The following DCAF17 variants were observed in gnomAD, a reference collection of about 807,000 sequenced individuals.
DCAF17 encodes DDB1- and CUL4-associated factor 17.
DCAF17 carries 48 observed loss-of-function variants against 66.0 expected under a neutral mutation model. The observed-to-expected ratio is 0.73, with a 90% CI of 0.58 to 0.92. DCAF17 has a LOEUF of 0.92. DCAF17 is among the 40% of genes least tolerant of loss of function. The pLI, the probability that DCAF17 is intolerant of heterozygous loss-of-function variation, is 0.00. For synonymous variants in DCAF17, 206 were observed against 214.6 expected (o/e 0.96, Z 0.35); for missense variants, 562 against 622.8 (o/e 0.90, Z 1.04).
intron 2 of DCAF17, among the ~76,000 whole-genome samples, chr2:171,436,717 C>T (rs1269954196): frequency 1.3e-5 from 2 of 151,280 alleles, no homozygotes; most frequent in African/African-American, 4.9e-5. Flanking sequence ...TACTTTCTCC[C>T]ATTGTGTAGA....
chr2:171,480,011 C>T, intron 12 of DCAF17, 27 bp from the exon 13 acceptor site: 1 of 1,611,686 alleles, frequency 6.2e-7, no homozygotes, highest in Middle Eastern at 1.9e-4. Context: ...TGCCCCTTTC[C>T]CTCTATTTTA....
Position 171,457,954 on chromosome 2 carries a change from G to C in DCAF17, c.628-17G>C. On this transcript the variant is annotated splice_polypyrimidine_tract_variant and intron_variant, in intron 6 of 13. Transcript: ENST00000375255. ...TCCAGTCTTTTCTCAGGTGATATCT[G>C]TCTTTCCCCCCGCCAGATTTTTGGG... The C allele has an allele frequency of 1.2e-6, 2 of 1,600,578 alleles. No individual in the cohort carries two copies. The highest frequency in any genetic ancestry group is 1.7e-6 in the Non-Finnish European group (2 of 1,167,730).
intron 8 of DCAF17, 28 bp downstream of exon 8, chr2:171,458,505 C>A (rs1405355014): frequency 6.5e-7 from 1 of 1,538,784 alleles, no homozygotes; most frequent in Admixed American, 1.7e-5. Flanking sequence ...TATTTTTTCA[C>A]CTTAAAAAAA....
chr2:171,451,626 A>G (rs1398461220), intron 5 of DCAF17, among the ~76,000 whole-genome samples: 3 of 152,164 alleles, frequency 2.0e-5, no homozygotes, highest in South Asian at 2.1e-4. Context: ...GCCAGGCTAG[A>G]GTGTCGTGGT....
chr2:171,434,232 C>T lies in DCAF17; in HGVS notation c.-346C>T, dbSNP rs1693568597. On this transcript the variant is annotated 5_prime_UTR_variant, in exon 1 of 14. Transcript: ENST00000375255. ...CGGGAATTGTAGTTCCTGGGAGAAG[C>T]CGGGCTGCCTCACGAGGCACTAGGA... 2.2e-6 allele frequency: 1 copy of T among 449,526 alleles called. No homozygotes were observed. Among genetic ancestry groups the T allele is most frequent in the African/African-American group, 2.0e-5 (1 of 49,206 alleles). The allele number at this position is 449,526 out of a possible 1,614,324, so 27.8% of individuals were successfully genotyped here.
intron 11 of DCAF17, 32 bp from the exon 12 acceptor site, chr2:171,477,955 G>A (rs371655701): frequency 4.8e-5 from 76 of 1,580,230 alleles, no homozygotes; most frequent in Non-Finnish European, 6.3e-5. Context: ...AATAGAACTT[G>A]TCATATCTTT....
intron 10 of DCAF17, chr2:171,474,242 T>G (rs1042960493): frequency 3.7e-5 from 17 of 465,746 alleles, no homozygotes; most frequent in African/African-American, 3.4e-4. Context: ...TCTCATCAGG[T>G]CTTAGTTAAT....
intron 10 of DCAF17, among the ~76,000 whole-genome samples, chr2:171,476,321 A>C (rs1696496129): frequency 6.6e-6 from 1 of 152,220 alleles, no homozygotes; most frequent in Non-Finnish European, 1.5e-5. Context: ...AAATATAACC[A>C]ATCCTAAGAA....
chr2:171,452,047 G>T (rs1430220024), intron 5 of DCAF17, among the ~76,000 whole-genome samples: 1 of 152,154 alleles, frequency 6.6e-6, no homozygotes, highest in Non-Finnish European at 1.5e-5. Flanking sequence ...AAGGAACACA[G>T]AAGGAGTCTG....
In DCAF17 at chr2:171,484,872, T is replaced by A. The variant is rs1224243382; in HGVS notation, c.*3758T>A. Reference sequence around the variant, plus strand: ...GTAATGCTTCTTTCACTTAGCATAATGTTTTTGAGATTTATTCATGTTGTT... The same window carrying A: ...GTAATGCTTCTTTCACTTAGCATAAAGTTTTTGAGATTTATTCATGTTGTT... On this transcript the variant is annotated 3_prime_UTR_variant, in exon 14 of 14. Transcript: ENST00000375255. 2 of 453,942 alleles carry A rather than the reference T, an allele frequency of 4.4e-6. No homozygotes were observed. The highest frequency in any genetic ancestry group is 1.4e-4 in the East Asian group (2 of 14,404). 28.1% of individuals were successfully genotyped at this position (453,942 alleles called of 1,614,324 possible). A position where few individuals can be genotyped will look rare whatever the true frequency, so the allele number is the denominator to read the frequency against.
At position 171,483,611 on chromosome 2, in the gene DCAF17, C is replaced by T. The variant is rs1158764507; in HGVS notation, c.*2497C>T. Reference sequence around the variant, plus strand: ...TGTTTAGACAAATTAAGGCACTTCACATTCTTCCACCAATTGAAAGTTTTG... The same window carrying T: ...TGTTTAGACAAATTAAGGCACTTCATATTCTTCCACCAATTGAAAGTTTTG... On this transcript the variant is annotated 3_prime_UTR_variant, in exon 14 of 14. Coordinates refer to ENST00000375255, the MANE Select transcript of DCAF17 (RefSeq NM_025000.4). 1 of 454,094 alleles carries T rather than the reference C, an allele frequency of 2.2e-6. No homozygotes were observed. The highest frequency in any genetic ancestry group is 1.6e-5 in the South Asian group (1 of 64,454). 28.1% of individuals were successfully genotyped at this position (454,094 alleles called of 1,614,324 possible).
At chr2:171,458,614 C>A in intron 8 of DCAF17, 137 bp downstream of exon 8, 1 of 696,164 alleles carries the variant, frequency 1.4e-6, no homozygotes, top group South Asian at 1.8e-5. Flanking sequence ...CATCATGTGC[C>A]TTGCTATTCA....
At chr2:171,445,751 C>G (rs1207460487) in intron 3 of DCAF17, among the ~76,000 whole-genome samples, 3 of 152,136 alleles carry the variant, frequency 2.0e-5, no homozygotes, top group Non-Finnish European at 4.4e-5. Flanking sequence ...GGCACAATCA[C>G]AGCTCACTGC....
At chr2:171,475,960 T>A (rs188434527) in intron 10 of DCAF17, among the ~76,000 whole-genome samples, 1 of 152,328 alleles carries the variant, frequency 6.6e-6, no homozygotes. Context: ...CCATATTAGT[T>A]TGAACTTAAG....
chr2:171,449,729 T>C, intron 4 of DCAF17, 150 bp from the exon 5 acceptor site: 2 of 508,050 alleles, frequency 3.9e-6, no homozygotes, highest in Non-Finnish European at 6.8e-6. Flanking sequence ...ATAGAGGAAA[T>C]TTTTTTAGCT....
At position 171,463,503 on chromosome 2, in the gene DCAF17, A is replaced by G. The variant is rs574544058; in HGVS notation, c.838+5026A>G. Among the ~76,000 whole-genome samples the G allele has an allele frequency of 3.3e-5, 5 of 152,310 alleles. No individual in the cohort carries two copies. In the South Asian group the frequency reaches 1.0e-3, roughly 32 times the overall value. Reference sequence around the variant, plus strand: ...CAGATCAAAGGAAGACTTAGTTTTCATTATATCTTCTGATACTTCTAAAAT... The same window carrying G: ...CAGATCAAAGGAAGACTTAGTTTTCGTTATATCTTCTGATACTTCTAAAAT... On this transcript the variant is annotated intron_variant, in intron 8 of 13. Coordinates refer to ENST00000375255, the MANE Select transcript of DCAF17 (RefSeq NM_025000.4).
chr2:171,480,115 A>G lies in DCAF17; in HGVS notation c.1344A>G (p.Gly448=). The G allele has an allele frequency of 6.2e-7, 1 of 1,613,864 alleles. No individual in the cohort carries two copies. Among genetic ancestry groups the G allele is most frequent in the Non-Finnish European group, 8.5e-7 (1 of 1,179,816 alleles). The change falls in exon 13 of 14, where the codon GGA becomes GGG. Residue 448 remains glycine, a synonymous_variant. Transcript: ENST00000375255. ...VVAVTQIDAE[G]KAHLDFHCNE... is the part of the protein sequence containing the mutation. ...CTGTTACTCAAATAGATGCTGAAGG[A>G]AAAGCTCACCTGGATTTCCACTGTA...
At chr2:171,461,295 A>T (rs982264314) in intron 8 of DCAF17, among the ~76,000 whole-genome samples, 2 of 151,956 alleles carry the variant, frequency 1.3e-5, no homozygotes, top group Admixed American at 1.3e-4. Flanking sequence ...AAATACAAAA[A>T]ATTAGCCTGT....
rs557414648 is a variant in DCAF17 at position 171,473,990 on chromosome 2, T to C, written c.1091+15T>C. On this transcript the variant is annotated intron_variant, in intron 10 of 13. Coordinates refer to ENST00000375255, the MANE Select transcript of DCAF17 (RefSeq NM_025000.4). ...AATCAAGTCAAGTGAGTAATCTCAT[T>C]AGCACTTGAAAGTTAAGAGCAGCTT... 2 of 1,593,186 alleles carry C rather than the reference T, an allele frequency of 1.3e-6. No individual in the cohort carries two copies. Among genetic ancestry groups the C allele is most frequent in the South Asian group, 2.2e-5 (2 of 90,574 alleles).
Sources: gnomAD v4.1 joint callset for allele counts (sites outside exome capture counted in the v4.1 genomes callset) on GRCh38, gnomAD v4.1.1 for gene constraint, MANE v1.5 for transcripts, NCBI Gene and HGNC (gene_info 2026-07-23, HGNC 2026-07-21) for gene names.